Variants in ZZZ3 observed in about 807,000 individuals in gnomAD.
ZZZ3 encodes ZZ-type zinc finger-containing protein 3.
Under a neutral mutation model 95.2 loss-of-function variants are expected in ZZZ3, and 22 were observed. The observed-to-expected ratio is 0.23, with a 90% CI of 0.17 to 0.33. The LOEUF is 0.33. ZZZ3 is among the 10% of genes least tolerant of loss of function. The probability of loss-of-function intolerance (pLI) is 1.00; values close to 1 mark genes in which losing one functional copy is unlikely to be tolerated. For synonymous variants in ZZZ3, 335 were observed against 358.9 expected (o/e 0.93, Z 0.75); for missense variants, 885 against 1,066.5 (o/e 0.83, Z 2.37).
At chr1:77,679,361 A>C (rs1447986144) in intron 1 of ZZZ3, among the ~76,000 whole-genome samples, 3 of 152,184 alleles carry the variant, frequency 2.0e-5, no homozygotes, top group Non-Finnish European at 4.4e-5. Context: ...GCTGGAGTGC[A>C]ATGGTGCAAT....
At chr1:77,590,452 T>G (rs1663571276) in intron 5 of ZZZ3, among the ~76,000 whole-genome samples, 1 of 152,248 alleles carries the variant, frequency 6.6e-6, no homozygotes, top group Non-Finnish European at 1.5e-5. Context: ...CACACTCATT[T>G]GTTTACATAA....
At chr1:77,674,538 G>A (rs767862311) in intron 1 of ZZZ3, among the ~76,000 whole-genome samples, 8 of 152,114 alleles carry the variant, frequency 5.3e-5, no homozygotes, top group Admixed American at 1.3e-4. Flanking sequence ...TTACACCAGT[G>A]TGCTCACACT....
At chr1:77,671,915 C>T (rs764495326) in intron 1 of ZZZ3, among the ~76,000 whole-genome samples, 6 of 152,024 alleles carry the variant, frequency 3.9e-5, no homozygotes, top group Non-Finnish European at 4.4e-5. Flanking sequence ...TATGTTTTTT[C>T]AATCTGATAA....
rs1045232158 is a variant in ZZZ3 at position 77,574,659 on chromosome 1, G to A, written c.2331+1409C>T. Among the ~76,000 whole-genome samples, 12 of 152,124 alleles carry A rather than the reference G, an allele frequency of 7.9e-5. No individual in the cohort carries two copies. The East Asian group carries it at 9.6e-4, about 12-fold the overall frequency. On this transcript the variant is annotated intron_variant, in intron 12 of 14. Coordinates refer to ENST00000370801, the MANE Select transcript of ZZZ3 (RefSeq NM_015534.6). ...CCTGGATTTTCCTTGTTAAAAATGG[G>A]TATTAAGCTATTAAACACTATTAGA...
rs578022397 is a variant in ZZZ3, at chr1:77,618,735, T to C, written c.1505+13115A>G. ...ACAAGTTCTGATTACCTTAACTTTA[T>C]TGTCCTTGTTAGTTTTAAATAGCTT... On this transcript the variant is annotated intron_variant, in intron 5 of 14. Transcript: ENST00000370801. Among the ~76,000 whole-genome samples the C allele has an allele frequency of 6.6e-5, 10 of 152,374 alleles. No homozygotes were observed. The South Asian group carries it at 2.1e-3, about 32-fold the overall frequency.
At chr1:77,636,918 C>T (rs1388160823) in intron 4 of ZZZ3, among the ~76,000 whole-genome samples, 2 of 152,118 alleles carry the variant, frequency 1.3e-5, no homozygotes, top group African/African-American at 4.8e-5. Flanking sequence ...AGCCCTAGTG[C>T]TAGGATTGTC....
At chr1:77,575,678 T>G (rs1275347539) in intron 12 of ZZZ3, among the ~76,000 whole-genome samples, 1 of 152,184 alleles carries the variant, frequency 6.6e-6, no homozygotes. Flanking sequence ...TGGGCTTTAT[T>G]TGGATCCAAA....
intron 6 of ZZZ3, among the ~76,000 whole-genome samples, chr1:77,582,916 C>T (rs1041769050): frequency 3.3e-5 from 5 of 151,860 alleles, no homozygotes; most frequent in African/African-American, 1.2e-4. Flanking sequence ...ACCAACCTGG[C>T]CAACATGGTG....
chr1:77,645,758 G>A (rs192682876), intron 1 of ZZZ3: 3 of 152,226 alleles, frequency 2.0e-5, no homozygotes, highest in African/African-American at 4.8e-5. Context: ...ATTACCTGAC[G>A]TCAGGAGTTC....
chr1:77,588,120 C>G (rs2100595703), intron 5 of ZZZ3, among the ~76,000 whole-genome samples: 1 of 152,290 alleles, frequency 6.6e-6, no homozygotes, highest in East Asian at 1.9e-4. Flanking sequence ...GGATTTTCAA[C>G]TACACAGGAG....
chr1:77,658,605 C>T (rs924446252), intron 1 of ZZZ3, among the ~76,000 whole-genome samples: 1 of 151,724 alleles, frequency 6.6e-6, no homozygotes, highest in Non-Finnish European at 1.5e-5. Context: ...CTCAAGCGAT[C>T]CTCCCGCCTT....
intron 1 of ZZZ3, among the ~76,000 whole-genome samples, chr1:77,661,060 A>C (rs1469776146): frequency 6.6e-6 from 1 of 151,722 alleles, no homozygotes; most frequent in Non-Finnish European, 1.5e-5. Context: ...TAACGCAAAA[A>C]AAAAAAAAAA....
Position 77,580,976 on chromosome 1 carries a change from A to G in ZZZ3, c.1980+22T>C, listed in dbSNP as rs1222386961. On this transcript the variant is annotated intron_variant, in intron 9 of 14. Transcript: ENST00000370801. ...TGTTTACTTGTTTTTTTAAGCCTACACGATTTTGAAATATTTATTACCTGT... is the reference window on the plus strand; with the variant it reads ...TGTTTACTTGTTTTTTTAAGCCTACGCGATTTTGAAATATTTATTACCTGT... 17 of 1,606,490 alleles carry G rather than the reference A, an allele frequency of 1.1e-5. No homozygotes were observed. In the East Asian group the frequency reaches 2.7e-4, roughly 25 times the overall value.
At chr1:77,659,983 C>T (rs1670641137) in intron 1 of ZZZ3, among the ~76,000 whole-genome samples, 1 of 152,062 alleles carries the variant, frequency 6.6e-6, no homozygotes, top group Non-Finnish European at 1.5e-5. Context: ...CAGGGGCTTG[C>T]CACCACACCC....
At chr1:77,594,973 C>G (rs1363649339) in intron 5 of ZZZ3, among the ~76,000 whole-genome samples, 1 of 148,532 alleles carries the variant, frequency 6.7e-6, no homozygotes, top group East Asian at 2.0e-4. Flanking sequence ...GGATCATTAG[C>G]TTACTATGAG....
intron 1 of ZZZ3, among the ~76,000 whole-genome samples, chr1:77,666,898 A>G (rs1352706027): frequency 6.6e-6 from 1 of 152,208 alleles, no homozygotes; most frequent in East Asian, 1.9e-4. Context: ...CCTCAGGGAA[A>G]ACCTTTCTAG....
At chr1:77,607,689 C>T (rs1348129109) in intron 5 of ZZZ3, among the ~76,000 whole-genome samples, 4 of 152,006 alleles carry the variant, frequency 2.6e-5, no homozygotes, top group East Asian at 3.9e-4. Flanking sequence ...TTTGGGAGGC[C>T]GAGGCAGGCA....
chr1:77,650,666 GA>G lies in ZZZ3; in HGVS notation c.-402-9012del, dbSNP rs551273539. Among the ~76,000 whole-genome samples, 409 of 67,008 alleles carry G rather than the reference GA, an allele frequency of 6.1e-3. 2 individuals carry two copies. Among genetic ancestry groups the G allele is most frequent in the African/African-American group, 0.017 (310 of 17,844 alleles). The allele number at this position is 67,008 out of a possible 152,430, so 44.0% of individuals were successfully genotyped here. A position where few individuals can be genotyped will look rare whatever the true frequency, so the allele number is the denominator to read the frequency against. On this transcript the variant is annotated intron_variant, in intron 1 of 14. Transcript: ENST00000370801. ...TGTCAGCTTCTACCTTAAGAAACTA[GA>G]AAAAAAAAAAAAGGATACTATAATC...
intron 1 of ZZZ3, among the ~76,000 whole-genome samples, chr1:77,663,170 A>G (rs1268788716): frequency 2.6e-5 from 4 of 152,180 alleles, no homozygotes; most frequent in Non-Finnish European, 5.9e-5. Flanking sequence ...CTGGAGAGAC[A>G]TGAAATCAAA....
Sources: allele counts gnomAD v4.1 joint callset (sites outside exome capture counted in the v4.1 genomes callset), GRCh38; gene constraint gnomAD v4.1.1; transcripts MANE v1.5; gene names NCBI Gene and HGNC (gene_info 2026-07-23, HGNC 2026-07-21).